The following MTHFSD variants were observed in gnomAD, a reference collection of about 807,000 sequenced individuals.
MTHFSD encodes the protein methenyltetrahydrofolate synthase domain-containing protein.
In MTHFSD, 37 loss-of-function variants were observed where a neutral mutation model predicts 31.1. That is an observed-to-expected ratio of 1.19 (90% CI 0.91 to 1.56). The LOEUF (loss-of-function observed/expected upper bound fraction) is 1.56. MTHFSD is among the 40% of genes most tolerant of loss of function. The probability of loss-of-function intolerance (pLI) is 0.00; values close to 1 mark genes in which losing one functional copy is unlikely to be tolerated. For missense variants in MTHFSD, 664 were observed against 510.1 expected, an observed-to-expected ratio of 1.30 and a Z score of -2.91; for synonymous variants, 221 against 206.9, an observed-to-expected ratio of 1.07 and a Z score of -0.59.
chr16:86,548,108 G>C, intron 4 of MTHFSD: 1 of 1,294,810 alleles, frequency 7.7e-7, no homozygotes, highest in Non-Finnish European at 1.0e-6. Context: ...CGCTCTGGTG[G>C]CACCTGATGA....
chr16:86,547,363 C>T, intron 4 of MTHFSD: 1 of 985,698 alleles, frequency 1.0e-6, no homozygotes, highest in Non-Finnish European at 1.2e-6. Context: ...CATTTTCAGT[C>T]CCGTATCCAG....
chr16:86,550,004 T>C lies in MTHFSD; in HGVS notation c.238-1427A>G, dbSNP rs562824960. 3.3e-5 allele frequency among the ~76,000 whole-genome samples: 5 copies of C among 152,230 alleles called. No individual in the cohort carries two copies. In the South Asian group the frequency reaches 8.3e-4, roughly 25 times the overall value. On this transcript the variant is annotated intron_variant, in intron 3 of 7. Transcript: ENST00000360900. ...CACTGCGGACTGTCCGGTCAGACAC[T>C]GGCCACTGTGCCTGTAGCTGTGGCT...
intron 7 of MTHFSD, among the ~76,000 whole-genome samples, chr16:86,537,874 C>T (rs1250674529): frequency 6.6e-6 from 1 of 152,204 alleles, no homozygotes; most frequent in Non-Finnish European, 1.5e-5. Context: ...CAGTTTCCCT[C>T]ATTAAGGAGC....
chr16:86,532,130 C>A lies in MTHFSD; in HGVS notation c.1033G>T (p.Ala345Ser). ...RLTWQGPRRRAFLHYPDSAAA... is the reference protein window; with the variant it reads ...RLTWQGPRRRSFLHYPDSAAA... ...GCAGAGTCCGGGTAATGGAGGAAGG[C>A]TCTGCGCCGCGGGCCCTGCCAGGTG... Residue 345 changes from alanine (A) to serine (S), a missense_variant, in exon 8 of 8, where the codon GCC becomes TCC. Transcript: ENST00000360900. 1 of 1,555,874 alleles carries A rather than the reference C, an allele frequency of 6.4e-7. No homozygotes were observed. The highest frequency in any genetic ancestry group is 8.7e-7 in the Non-Finnish European group (1 of 1,150,958).
intron 1 of MTHFSD, 149 bp from the exon 2 acceptor site, chr16:86,554,900 G>A (rs1973854591): frequency 1.9e-6 from 2 of 1,056,102 alleles, no homozygotes; most frequent in African/African-American, 1.6e-5. Context: ...ACCTCAAGGG[G>A]CCCACGGGCT....
intron 7 of MTHFSD, among the ~76,000 whole-genome samples, chr16:86,536,244 G>A (rs868332738): frequency 2.0e-5 from 3 of 152,336 alleles, no homozygotes; most frequent in Middle Eastern, 3.4e-3. Context: ...GTTGTTCACT[G>A]AGGAAAATGC....
intron 7 of MTHFSD, among the ~76,000 whole-genome samples, chr16:86,536,740 C>T (rs541550250): frequency 3.1e-4 from 48 of 152,392 alleles, no homozygotes; most frequent in Non-Finnish European, 5.7e-4. Flanking sequence ...ATCTGCACGC[C>T]TTGGCTCCTG....
In MTHFSD at chr16:86,554,678, G is replaced by C. The variant is rs1333602653; in HGVS notation, c.90C>G (p.Pro30=). 1.9e-6 allele frequency: 3 copies of C among 1,614,070 alleles called. No homozygotes were observed. Among genetic ancestry groups the C allele is most frequent in the Admixed American group, 3.3e-5 (2 of 60,006 alleles). Residue 30 remains proline, a synonymous_variant, in exon 2 of 8, where the codon CCC becomes CCG. Coordinates refer to ENST00000360900, the MANE Select transcript of MTHFSD (RefSeq NM_001159377.2). Reference sequence around the variant, plus strand: ...TGGGTATCCTGTGATGAACAGGTCGGGGAAAGTCAGCTAAATTTTGTGATT... The same window carrying C: ...TGGGTATCCTGTGATGAACAGGTCGCGGAAAGTCAGCTAAATTTTGTGATT... The part of the protein sequence containing the change: ...YMESQNLADF[P]RPVHHRIPNF...
At chr16:86,553,268 G>A (rs1597386408) in intron 2 of MTHFSD, 1 of 152,306 alleles carries the variant, frequency 6.6e-6, no homozygotes, top group East Asian at 1.9e-4. Context: ...ACCTTGAAAG[G>A]TGACAGCGTG....
intron 5 of MTHFSD, among the ~76,000 whole-genome samples, chr16:86,544,279 G>A (rs1971952379): frequency 6.6e-6 from 1 of 152,154 alleles, no homozygotes; most frequent in South Asian, 2.1e-4. Context: ...ACTATCATCA[G>A]AGTGAACAGA....
At position 86,546,562 on chromosome 16, in the gene MTHFSD, T is replaced by C. The variant is rs1446663448; in HGVS notation, c.439A>G (p.Lys147Glu). 1 of 1,613,944 alleles carries C rather than the reference T, an allele frequency of 6.2e-7. No homozygotes were observed. Among genetic ancestry groups the C allele is most frequent in the South Asian group, 1.1e-5 (1 of 91,082 alleles). ...GGTTCCCATCTGCTAGTCTTACCTT[T>C]TTCAGAAACGGCGACGGATCCCACC... is the stretch of plus-strand genomic sequence containing the variant. ...VVVGSVAVSE[K>E]GWRIGKGEGY... Residue 147 changes from lysine to glutamate, a missense_variant, in exon 5 of 8, where the codon AAA becomes GAA. By Grantham distance (56) the Lys-to-Glu change is moderately conservative (BLOSUM62 1). Coordinates refer to ENST00000360900, the MANE Select transcript of MTHFSD (RefSeq NM_001159377.2).
At chr16:86,532,633 C>G (rs1970127279) in intron 7 of MTHFSD, 152 bp from the exon 8 acceptor site, 2 of 499,156 alleles carry the variant, frequency 4.0e-6, no homozygotes, top group Non-Finnish European at 6.7e-6. Flanking sequence ...TCCCACTGTC[C>G]CACCCACTAT....
Position 86,546,626 on chromosome 16 carries a change from G to C in MTHFSD, c.375C>G (p.Pro125=), listed in dbSNP as rs1442113359. The change falls in exon 5 of 8, where the codon CCC becomes CCG. Residue 125 remains proline, a synonymous_variant. Transcript: ENST00000360900. Reference sequence around the variant, plus strand: ...CGAGGACTCTGGAGTCCAAGCCTATGGGGACACTGTAGTTCCTCACACCCT... The same window carrying C: ...CGAGGACTCTGGAGTCCAAGCCTATCGGGACACTGTAGTTCCTCACACCCT... The part of the protein sequence containing the change: ...TSQGVRNYSV[P]IGLDSRVLVD... 7 of 1,613,828 alleles carry C rather than the reference G, an allele frequency of 4.3e-6. No homozygotes were observed. Among genetic ancestry groups the C allele is most frequent in the Middle Eastern group, 1.6e-4 (1 of 6,062 alleles).
intron 7 of MTHFSD, among the ~76,000 whole-genome samples, chr16:86,539,292 G>A (rs1470741550): frequency 2.0e-5 from 3 of 152,178 alleles, no homozygotes; most frequent in Non-Finnish European, 4.4e-5. Flanking sequence ...GACACGTGCA[G>A]GACCCCATCT....
intron 5 of MTHFSD, among the ~76,000 whole-genome samples, chr16:86,545,238 C>T (rs902148691): frequency 2.6e-5 from 4 of 152,088 alleles, no homozygotes; most frequent in Admixed American, 2.0e-4. Flanking sequence ...GTGTCTCACA[C>T]GCATGCTACT....
rs1198902479 is a variant in MTHFSD at position 86,532,403 on chromosome 16, T to C, written c.760A>G (p.Thr254Ala). Residue 254 changes from threonine to alanine, a missense_variant, in exon 8 of 8, where the codon ACC becomes GCC. Thr to Ala is a moderately conservative substitution (Grantham distance 58, BLOSUM62 0). Coordinates refer to ENST00000360900, the MANE Select transcript of MTHFSD (RefSeq NM_001159377.2). The part of the protein sequence containing the change: ...AREQQAGKDV[T>A]LQGEHQHLPE... ...AGGTGCTGGTGCTCACCCTGGAGGG[T>C]GACATCCTTCCCAGCCTGCTGCTCT... The C allele has an allele frequency of 6.6e-7, 1 of 1,526,666 alleles. No individual in the cohort carries two copies. The highest frequency in any genetic ancestry group is 8.8e-7 in the Non-Finnish European group (1 of 1,138,246). 94.6% of individuals were successfully genotyped at this position (1,526,666 alleles called of 1,614,324 possible).
intron 5 of MTHFSD, among the ~76,000 whole-genome samples, chr16:86,543,257 G>C (rs949688697): frequency 2.6e-5 from 4 of 152,228 alleles, no homozygotes; most frequent in African/African-American, 9.6e-5. Flanking sequence ...GCTCACTCCA[G>C]CTAGGAACAA....
In MTHFSD at chr16:86,548,240, A is replaced by G. The variant is rs1008073980; in HGVS notation, c.351+224T>C. On this transcript the variant is annotated intron_variant, in intron 4 of 7. Transcript: ENST00000360900. Reference sequence around the variant, plus strand: ...ACAATAAGGAATTTATAATTTGCCAATTTCGTGCAAAATAGAAACTGAGTT... The same window carrying G: ...ACAATAAGGAATTTATAATTTGCCAGTTTCGTGCAAAATAGAAACTGAGTT... 8.1e-6 allele frequency: 8 copies of G among 984,428 alleles called. 1 individual carries two copies. Among genetic ancestry groups the G allele is most frequent in the Non-Finnish European group, 1.1e-5 (8 of 699,060 alleles). The allele number at this position is 984,428 out of a possible 1,614,324, so 61.0% of individuals were successfully genotyped here.
chr16:86,538,394 C>A (rs551308430), intron 7 of MTHFSD, among the ~76,000 whole-genome samples: 1 of 152,296 alleles, frequency 6.6e-6, no homozygotes, highest in African/African-American at 2.4e-5. Context: ...GGTGCTCACT[C>A]GGGTCCAGCA....
Sources: allele counts gnomAD v4.1 joint callset (sites outside exome capture counted in the v4.1 genomes callset), GRCh38; gene constraint gnomAD v4.1.1; transcripts MANE v1.5; gene names NCBI Gene and HGNC (gene_info 2026-07-23, HGNC 2026-07-21).